The following FSTL4 variants were observed in gnomAD, a reference collection of about 807,000 sequenced individuals.
The protein encoded by FSTL4 is follistatin like 4.
In FSTL4, 28 loss-of-function variants were observed where a neutral mutation model predicts 78.2. That is an observed-to-expected ratio of 0.36 (90% confidence interval 0.27 to 0.49). FSTL4 has a LOEUF of 0.49. FSTL4 is among the 20% of genes least tolerant of loss of function. FSTL4 has a pLI of 0.98. For synonymous variants in FSTL4, 422 were observed against 440.5 expected (o/e 0.96, Z 0.53); for missense variants, 922 against 1,084.9 (o/e 0.85, Z 2.11).
the FSTL4 span, among the ~76,000 whole-genome samples, chr5:133,640,576 C>T: frequency 6.6e-6 from 1 of 152,156 alleles, no homozygotes; most frequent in African/African-American, 2.4e-5. Context: ...AGGAGAAATA[C>T]CAAATGTGGA....
At chr5:133,551,376 CA>C (rs2112928887) in intron 3 of FSTL4, among the ~76,000 whole-genome samples, 1 of 152,262 alleles carries the variant, frequency 6.6e-6, no homozygotes, top group African/African-American at 2.4e-5. Flanking sequence ...ATGTACAAAG[CA>C]AACAATTAAG....
the FSTL4 span, among the ~76,000 whole-genome samples, chr5:133,810,864 G>A: frequency 3.2e-4 from 49 of 152,330 alleles, 2 homozygotes; most frequent in Admixed American, 7.2e-4. Context: ...CCTAGTCCCA[G>A]GTAGTCTTCT....
At chr5:133,299,563 G>A (rs1365891644) in intron 6 of FSTL4, among the ~76,000 whole-genome samples, 1 of 152,170 alleles carries the variant, frequency 6.6e-6, no homozygotes, top group Non-Finnish European at 1.5e-5. Flanking sequence ...CTGACTCTGG[G>A]TCTGGGGGCC....
chr5:133,570,366 C>A (rs188526629), intron 2 of FSTL4, among the ~76,000 whole-genome samples: 1 of 151,774 alleles, frequency 6.6e-6, no homozygotes, highest in South Asian at 2.1e-4. Flanking sequence ...ACTGTGGCCC[C>A]GGCTGGAGTG....
the FSTL4 span, among the ~76,000 whole-genome samples, chr5:133,811,964 C>T: frequency 2.0e-5 from 3 of 152,196 alleles, no homozygotes; most frequent in Admixed American, 6.5e-5. Context: ...CTTAATAACC[C>T]TCTTAATTCC....
chr5:133,477,002 C>G (rs574959572), intron 3 of FSTL4, among the ~76,000 whole-genome samples: 1 of 152,214 alleles, frequency 6.6e-6, no homozygotes, highest in Non-Finnish European at 1.5e-5. Flanking sequence ...GCACACAGTA[C>G]GTCCTCAGTA....
chr5:133,600,697 TTTAA>T (rs1402848175), intron 2 of FSTL4, among the ~76,000 whole-genome samples: 1 of 152,252 alleles, frequency 6.6e-6, no homozygotes, highest in African/African-American at 2.4e-5. Context: ...GCGTTGGTCA[TTTAA>T]TTCTTATTTA....
the FSTL4 span, among the ~76,000 whole-genome samples, chr5:133,666,315 T>C: frequency 6.6e-6 from 1 of 152,188 alleles, no homozygotes; most frequent in African/African-American, 2.4e-5. Context: ...CACCCCATAG[T>C]TACTTTAAAA....
chr5:133,333,781 T>G (rs115224271), intron 4 of FSTL4, among the ~76,000 whole-genome samples: 2,352 of 152,312 alleles, frequency 0.015, 23 homozygotes, highest in Non-Finnish European at 0.025. Context: ...CAGGGCCTCC[T>G]GCATCAGGCA....
chr5:133,227,067 G>A (rs1425234132), intron 8 of FSTL4, among the ~76,000 whole-genome samples: 1 of 152,202 alleles, frequency 6.6e-6, no homozygotes, highest in East Asian at 1.9e-4. Context: ...GGACACAGTT[G>A]GAGGCAGAGG....
intron 4 of FSTL4, among the ~76,000 whole-genome samples, chr5:133,392,627 G>A (rs1274979614): frequency 1.3e-5 from 2 of 151,494 alleles, no homozygotes; most frequent in African/African-American, 2.5e-5. Flanking sequence ...AATGCTCTGC[G>A]GCCTGACAGG....
chr5:133,553,526 G>T (rs867977823), intron 3 of FSTL4, among the ~76,000 whole-genome samples: 2 of 152,140 alleles, frequency 1.3e-5, no homozygotes, highest in Non-Finnish European at 2.9e-5. Flanking sequence ...TTACTGAAAC[G>T]CCCAGCAAAC....
At chr5:133,641,922 T>C in the FSTL4 span, among the ~76,000 whole-genome samples, 1 of 151,852 alleles carries the variant, frequency 6.6e-6, no homozygotes, top group South Asian at 2.1e-4. Context: ...TCCTCCTCCT[T>C]CTTTCTTCTT....
the FSTL4 span, among the ~76,000 whole-genome samples, chr5:133,751,121 G>C: frequency 6.6e-6 from 1 of 151,824 alleles, no homozygotes; most frequent in East Asian, 1.9e-4. Flanking sequence ...TCTCCCCCCA[G>C]CCCTCAGGGT....
At chr5:133,825,613 C>G in the FSTL4 span, among the ~76,000 whole-genome samples, 1 of 152,244 alleles carries the variant, frequency 6.6e-6, no homozygotes, top group Non-Finnish European at 1.5e-5. Flanking sequence ...AGGAGAGCCA[C>G]CAACTCCTAA....
In FSTL4 at chr5:133,416,822, A is replaced by G. The variant is rs532542057; in HGVS notation, c.161-15836T>C. Reference sequence around the variant, plus strand: ...AGGAATGACTCAAGCACTGTTCTGAATTGAAGTAGGCTGAGGACAGATGAC... The same window carrying G: ...AGGAATGACTCAAGCACTGTTCTGAGTTGAAGTAGGCTGAGGACAGATGAC... On this transcript the variant is annotated intron_variant, in intron 3 of 15. Coordinates refer to ENST00000265342, the MANE Select transcript of FSTL4 (RefSeq NM_015082.2). Among the ~76,000 whole-genome samples the G allele has an allele frequency of 1.6e-4, 24 of 152,342 alleles. No individual in the cohort carries two copies. The East Asian group carries it at 1.7e-3, about 11-fold the overall frequency.
At chr5:133,569,175 G>C (rs1245897577) in intron 2 of FSTL4, among the ~76,000 whole-genome samples, 1 of 151,874 alleles carries the variant, frequency 6.6e-6, no homozygotes. Flanking sequence ...TGATTCTTTT[G>C]GGGTTTCCAT....
intron 3 of FSTL4, among the ~76,000 whole-genome samples, chr5:133,411,372 C>A (rs766205295): frequency 6.6e-6 from 1 of 152,052 alleles, no homozygotes; most frequent in East Asian, 1.9e-4. Flanking sequence ...TTTGAGCCAA[C>A]AAGAAAATCA....
chr5:133,588,157 C>T (rs1301848411), intron 2 of FSTL4, among the ~76,000 whole-genome samples: 35 of 121,192 alleles, frequency 2.9e-4, no homozygotes, highest in African/African-American at 8.7e-4. Context: ...AAGATTTAAA[C>T]GTTAGACCTA....
Sources: allele counts gnomAD v4.1 joint callset (sites outside exome capture counted in the v4.1 genomes callset), GRCh38; gene constraint gnomAD v4.1.1; transcripts MANE v1.5; gene names NCBI Gene and HGNC (gene_info 2026-07-23, HGNC 2026-07-21).